The following C5orf34 variants were observed in gnomAD, a reference collection of about 807,000 sequenced individuals.
C5orf34 encodes chromosome 5 open reading frame 34.
A neutral mutation model predicts 78.4 loss-of-function variants in C5orf34; 73 were observed. The ratio of observed to expected loss-of-function variants is 0.93; its 90% confidence interval spans 0.77 to 1.13. The LOEUF is 1.13. Among genes scored for constraint, C5orf34 ranks in the 50% most tolerant of loss-of-function variants. The pLI, the probability that C5orf34 is intolerant of heterozygous loss-of-function variation, is 0.00. For missense variants in C5orf34, 730 were observed against 732.7 expected (o/e 1.00, Z 0.04); for synonymous variants, 251 against 246.6 (o/e 1.02, Z -0.17).
chr5:43,494,624 A>G, intron 6 of C5orf34, 23 bp from the exon 7 acceptor site: 1 of 1,453,080 alleles, frequency 6.9e-7, no homozygotes, highest in South Asian at 1.3e-5. Context: ...TAAAATGAAA[A>G]ATTTCATTAA....
intron 5 of C5orf34, 141 bp downstream of exon 5, chr5:43,503,524 C>G: frequency 4.2e-6 from 3 of 721,420 alleles, no homozygotes; most frequent in South Asian, 3.0e-5. Context: ...CTGTAAAACT[C>G]AGGATCAAAC....
intron 4 of C5orf34, among the ~76,000 whole-genome samples, chr5:43,504,280 GA>G: frequency 6.7e-6 from 1 of 148,920 alleles, no homozygotes; most frequent in South Asian, 2.1e-4. Flanking sequence ...CTGGGTGACA[GA>G]GCGAGAATCC....
chr5:43,513,903 C>G (rs1746376744), intron 1 of C5orf34, among the ~76,000 whole-genome samples: 1 of 152,144 alleles, frequency 6.6e-6, no homozygotes, highest in Admixed American at 6.5e-5. Context: ...TTTTTATTTT[C>G]TCCCACTAGG....
At chr5:43,508,746 A>G (rs1746096401) in intron 2 of C5orf34, 80 bp from the exon 3 acceptor site, 1 of 869,660 alleles carries the variant, frequency 1.1e-6, no homozygotes, top group African/African-American at 1.7e-5. Context: ...AGTATAATCC[A>G]TAATACTAAT....
intron 6 of C5orf34, chr5:43,495,415 G>A: frequency 1.2e-6 from 2 of 1,611,684 alleles, no homozygotes; most frequent in Non-Finnish European, 1.7e-6. Flanking sequence ...GGCCTGGATG[G>A]TTCAGGATAA....
At chr5:43,487,164 C>A in intron 12 of C5orf34, 53 bp from the exon 13 acceptor site, 11 of 801,156 alleles carry the variant, frequency 1.4e-5, no homozygotes, top group Non-Finnish European at 1.9e-5. Context: ...ATATAAATAT[C>A]TTTATATACA....
At chr5:43,511,922 AC>A (rs1746277238) in intron 1 of C5orf34, among the ~76,000 whole-genome samples, 2 of 151,742 alleles carry the variant, frequency 1.3e-5, no homozygotes, top group African/African-American at 4.8e-5. Context: ...GCCTAGGAAA[AC>A]CAGAGACCTT....
Position 43,508,653 on chromosome 5 carries a change from C to T in C5orf34, c.209G>A (p.Arg70Gln), listed in dbSNP as rs532460770. The change falls in exon 3 of 13, where the codon CGA (arginine) becomes CAA (glutamine). Residue 70 changes from arginine to glutamine, a missense_variant. By Grantham distance (43) the Arg-to-Gln change is conservative. Transcript: ENST00000306862. ...VISTYREQLQ[R>Q]ALDFRNSSAT... is the part of the protein sequence containing the mutation. ...TGAAGAGTTTCGAAAATCTAGGGCT[C>T]GCTGTAGTTGCTCCTATGAAAAGAA... 39 of 1,596,992 alleles carry T rather than the reference C, an allele frequency of 2.4e-5. No individual in the cohort carries two copies. Among genetic ancestry groups the T allele is most frequent in the South Asian group, 4.4e-5 (4 of 90,468 alleles).
Position 43,509,180 on chromosome 5 carries a change from G to A in C5orf34, c.160C>T (p.Arg54Cys), listed in dbSNP as rs751051116. ...CTAATGACAAAATGTGTCCTTTGAC[G>A]AATTCTTTCTGGTTGTTCTAAAGGA... ...AHPLEQPERI[R>C]QRTHFVISTY... The change falls in exon 2 of 13, where the codon CGT becomes TGT. Residue 54 changes from arginine to cysteine, a missense_variant. Transcript: ENST00000306862. 9 of 1,613,526 alleles carry A rather than the reference G, an allele frequency of 5.6e-6. No homozygotes were observed. The South Asian group carries it at 6.6e-5, about 12-fold the overall frequency.
intron 5 of C5orf34, 149 bp downstream of exon 5, chr5:43,503,516 G>C: frequency 1.4e-6 from 1 of 709,692 alleles, no homozygotes; most frequent in East Asian, 2.5e-5. Context: ...TTTGAGACCT[G>C]TAAAACTCAG....
chr5:43,489,645 A>C (rs73754741), intron 11 of C5orf34, among the ~76,000 whole-genome samples: 1,892 of 152,252 alleles, frequency 0.012, 38 homozygotes, highest in African/African-American at 0.039. Context: ...GCTACAGCTA[A>C]AGGATGAGGG....
intron 6 of C5orf34, chr5:43,495,638 G>A: frequency 6.3e-7 from 1 of 1,598,234 alleles, no homozygotes; most frequent in Non-Finnish European, 8.6e-7. Flanking sequence ...CACCACACCA[G>A]GTTTGAGAAC....
chr5:43,492,413 T>C, intron 9 of C5orf34, 104 bp from the exon 10 acceptor site: 1 of 748,174 alleles, frequency 1.3e-6, no homozygotes, highest in South Asian at 1.8e-5. Context: ...AGAGGAATCA[T>C]TAAAGATGCA....
At chr5:43,491,488 TGAA>T (rs1745278918) in intron 10 of C5orf34, among the ~76,000 whole-genome samples, 1 of 152,206 alleles carries the variant, frequency 6.6e-6, no homozygotes, top group Admixed American at 6.5e-5. Context: ...CATAAAAAGC[TGAA>T]GACTCTTCCC....
intron 7 of C5orf34, 55 bp from the exon 8 acceptor site, chr5:43,493,667 A>G (rs1745379467): frequency 2.8e-6 from 3 of 1,058,498 alleles, no homozygotes; most frequent in Non-Finnish European, 4.2e-6. Flanking sequence ...TTCCAATTCT[A>G]GCAACCCATT....
rs972578195 is a variant in C5orf34, at chr5:43,509,390, A to G, written c.-36-15T>C. The G allele has an allele frequency of 2.1e-6, 3 of 1,418,474 alleles. No individual in the cohort carries two copies. Among genetic ancestry groups the G allele is most frequent in the East Asian group, 2.3e-5 (1 of 42,908 alleles). 87.9% of individuals were successfully genotyped at this position (1,418,474 alleles called of 1,614,324 possible). ...TAAGTCAAAGACTGAATGAAATAGGAAAAACAACAGCATAAATAGTTCTCT... is the reference window on the plus strand; with the variant it reads ...TAAGTCAAAGACTGAATGAAATAGGGAAAACAACAGCATAAATAGTTCTCT... On this transcript the variant is annotated splice_polypyrimidine_tract_variant and intron_variant, in intron 1 of 12. Coordinates refer to ENST00000306862, the MANE Select transcript of C5orf34 (RefSeq NM_198566.4).
At position 43,486,883 on chromosome 5, in the gene C5orf34, A is replaced by T. The variant is rs748529637; in HGVS notation, c.*32T>A. On this transcript the variant is annotated 3_prime_UTR_variant, in exon 13 of 13. Coordinates refer to ENST00000306862, the MANE Select transcript of C5orf34 (RefSeq NM_198566.4). ...CAGTCACTTGAAACAACATCCTTAA[A>T]CTTTAATAATATGTTGTAATAATTC... 5.0e-5 allele frequency: 67 copies of T among 1,347,760 alleles called. No individual in the cohort carries two copies. The East Asian group carries it at 1.7e-3, about 34-fold the overall frequency. 83.5% of individuals were successfully genotyped at this position (1,347,760 alleles called of 1,614,324 possible).
chr5:43,509,397 A>G (rs1042819206), intron 1 of C5orf34, 22 bp from the exon 2 acceptor site: 134 of 1,383,266 alleles, frequency 9.7e-5, no homozygotes, highest in Non-Finnish European at 1.2e-4. Flanking sequence ...AGGAAAAACA[A>G]CAGCATAAAT....
intron 9 of C5orf34, 124 bp from the exon 10 acceptor site, chr5:43,492,433 A>AC: frequency 1.5e-6 from 1 of 687,336 alleles, no homozygotes; most frequent in Non-Finnish European, 2.5e-6. Context: ...AACAGTTTAA[A>AC]TGTTGTTTAC....
Sources: allele counts gnomAD v4.1 joint callset (sites outside exome capture counted in the v4.1 genomes callset), GRCh38; gene constraint gnomAD v4.1.1; transcripts MANE v1.5; gene names NCBI Gene and HGNC (gene_info 2026-07-23, HGNC 2026-07-21).